CA10: variants seen among roughly 807,000 people sequenced by gnomAD.
The protein encoded by CA10 is carbonic anhydrase-related protein 10.
A neutral mutation model predicts 44.2 loss-of-function variants in CA10; 14 were observed. That is an observed-to-expected ratio of 0.32 (90% CI 0.21 to 0.50). CA10 has a LOEUF of 0.50. Ranked by LOEUF, CA10 falls within the 20% of genes least tolerant of loss-of-function variation. CA10 has a pLI of 0.99. For synonymous variants in CA10, 159 were observed against 141.6 expected (o/e 1.12, Z -0.87); for missense variants, 350 against 409.7 (o/e 0.85, Z 1.26).
chr17:51,838,301 C>T (rs1978293891), intron 3 of CA10, among the ~76,000 whole-genome samples: 1 of 152,180 alleles, frequency 6.6e-6, no homozygotes, highest in African/African-American at 2.4e-5. Flanking sequence ...TAACCTATGT[C>T]TTTTGTATAT....
chr17:51,731,404 G>T (rs1291164309), intron 4 of CA10, among the ~76,000 whole-genome samples: 1 of 152,022 alleles, frequency 6.6e-6, no homozygotes, highest in Non-Finnish European at 1.5e-5. Flanking sequence ...AATGGATTCT[G>T]GTCAATGAGT....
chr17:51,805,106 G>A (rs908895209), intron 3 of CA10, among the ~76,000 whole-genome samples: 1 of 152,176 alleles, frequency 6.6e-6, no homozygotes, highest in Admixed American at 6.5e-5. Context: ...TTTCAGCACT[G>A]TCTGCATGAT....
intron 4 of CA10, among the ~76,000 whole-genome samples, chr17:51,670,465 C>G (rs1339447309): frequency 6.6e-6 from 1 of 151,788 alleles, no homozygotes; most frequent in Non-Finnish European, 1.5e-5. Flanking sequence ...GGGAGCTTCC[C>G]TGATTGATTG....
chr17:51,867,918 C>G (rs1408268505), intron 3 of CA10, among the ~76,000 whole-genome samples: 1 of 152,190 alleles, frequency 6.6e-6, no homozygotes, highest in African/African-American at 2.4e-5. Context: ...AAAAACCTCT[C>G]AAAATGAATT....
At chr17:52,090,722 A>T (rs1024994127) in intron 1 of CA10, among the ~76,000 whole-genome samples, 2 of 152,102 alleles carry the variant, frequency 1.3e-5, no homozygotes, top group Admixed American at 6.6e-5. Flanking sequence ...TTTTTTATGC[A>T]TTCTAGGTAG....
chr17:51,780,439 C>T (rs1034220105), intron 3 of CA10, among the ~76,000 whole-genome samples: 6 of 152,140 alleles, frequency 3.9e-5, no homozygotes, highest in Admixed American at 3.9e-4. Context: ...TTTCTGGCCA[C>T]CACACTGTTT....
chr17:51,999,487 T>C (rs1257068393), intron 2 of CA10, among the ~76,000 whole-genome samples: 1 of 151,974 alleles, frequency 6.6e-6, no homozygotes, highest in Non-Finnish European at 1.5e-5. Flanking sequence ...GTGGGCAAGA[T>C]TGGTGTTGAG....
intron 2 of CA10, among the ~76,000 whole-genome samples, chr17:52,056,123 G>C (rs1277730794): frequency 6.6e-6 from 1 of 152,076 alleles, no homozygotes; most frequent in African/African-American, 2.4e-5. Flanking sequence ...GGTGACATGA[G>C]GAAGAGCAGG....
Position 51,669,588 on chromosome 17 carries a change from G to A in CA10, c.466-15852C>T, listed in dbSNP as rs192833339. ...ACTTTTATGAGCTGTAACACTCACCGCGAAGGTCTGCAGCTTCACTCCTGA... is the reference window on the plus strand; with the variant it reads ...ACTTTTATGAGCTGTAACACTCACCACGAAGGTCTGCAGCTTCACTCCTGA... On this transcript the variant is annotated intron_variant, in intron 4 of 8. Transcript: ENST00000451037. Among the ~76,000 whole-genome samples, 513 of 152,224 alleles carry A rather than the reference G, an allele frequency of 3.4e-3. 2 individuals are homozygous for A. The highest frequency in any genetic ancestry group is 4.4e-3 in the South Asian group (21 of 4,812).
Position 51,651,091 on chromosome 17 carries a change from C to T in CA10, c.562-1837G>A, listed in dbSNP as rs118007574. ...TTAGAGAGTAACTCCAGCTTTTCTA[C>T]GGCTCAGCTTTTAGCCAGGGTGATA... On this transcript the variant is annotated intron_variant, in intron 5 of 8. Coordinates refer to ENST00000451037, the MANE Select transcript of CA10 (RefSeq NM_020178.5). Among the ~76,000 whole-genome samples the T allele has an allele frequency of 1.9e-3, 282 of 152,282 alleles. 9 individuals carry two copies. The East Asian group carries it at 0.05, about 27-fold the overall frequency.
intron 4 of CA10, among the ~76,000 whole-genome samples, chr17:51,675,788 G>A (rs1038562240): frequency 5.3e-5 from 8 of 152,144 alleles, no homozygotes; most frequent in African/African-American, 1.9e-4. Flanking sequence ...TTAGGTTGGT[G>A]CAAAAGTACT....
At chr17:51,995,364 T>C (rs1896951157) in intron 2 of CA10, among the ~76,000 whole-genome samples, 2 of 152,050 alleles carry the variant, frequency 1.3e-5, no homozygotes, top group South Asian at 4.1e-4. Flanking sequence ...GTTAAAAAAA[T>C]AGGGAATAAG....
At chr17:51,785,685 C>G (rs1308629946) in intron 3 of CA10, among the ~76,000 whole-genome samples, 1 of 152,146 alleles carries the variant, frequency 6.6e-6, no homozygotes, top group Non-Finnish European at 1.5e-5. Flanking sequence ...TATGCCAGTA[C>G]CATGCTGTTT....
chr17:51,782,805 A>C (rs1317549502), intron 3 of CA10, among the ~76,000 whole-genome samples: 1 of 152,158 alleles, frequency 6.6e-6, no homozygotes, highest in African/African-American at 2.4e-5. Flanking sequence ...AGTATGTGAT[A>C]GCAAATGGTG....
At chr17:51,665,279 A>T (rs748959581) in intron 4 of CA10, among the ~76,000 whole-genome samples, 20 of 151,880 alleles carry the variant, frequency 1.3e-4, no homozygotes, top group Non-Finnish European at 2.8e-4. Flanking sequence ...CCCGCAGTGG[A>T]TTGACTGTAG....
chr17:52,039,898 C>A (rs1176408425), intron 2 of CA10, among the ~76,000 whole-genome samples: 1 of 151,944 alleles, frequency 6.6e-6, no homozygotes, highest in African/African-American at 2.4e-5. Context: ...TAATACAGTA[C>A]ATTCTATGTT....
intron 5 of CA10, among the ~76,000 whole-genome samples, chr17:51,649,524 C>A (rs1913474928): frequency 6.6e-6 from 1 of 152,058 alleles, no homozygotes; most frequent in Non-Finnish European, 1.5e-5. Context: ...GGAGGAAGAC[C>A]AGCCACCACC....
intron 3 of CA10, among the ~76,000 whole-genome samples, chr17:51,874,959 T>TC (rs2143869459): frequency 1.5e-5 from 1 of 66,632 alleles, no homozygotes; most frequent in African/African-American, 3.6e-5. Flanking sequence ...TGTTTTTTTT[T>TC]CTTTTTTTTC....
chr17:51,866,777 A>G (rs1167741927), intron 3 of CA10, among the ~76,000 whole-genome samples: 2 of 152,200 alleles, frequency 1.3e-5, no homozygotes, highest in African/African-American at 2.4e-5. Context: ...ATGGTTTATG[A>G]TGTTTTATTT....
Sources: gnomAD v4.1 joint callset for allele counts (sites outside exome capture counted in the v4.1 genomes callset) on GRCh38, gnomAD v4.1.1 for gene constraint, MANE v1.5 for transcripts, NCBI Gene and HGNC (gene_info 2026-07-23, HGNC 2026-07-21) for gene names.